Variants in SEMA6D observed in about 807,000 individuals in gnomAD.
SEMA6D encodes semaphorin-6D.
A neutral mutation model predicts 106.6 loss-of-function variants in SEMA6D; 35 were observed. The observed-to-expected ratio is 0.33, with a 90% confidence interval of 0.25 to 0.44. The LOEUF (loss-of-function observed/expected upper bound fraction) is 0.44, where lower values mean the gene tolerates loss of function less well. SEMA6D is among the 20% of genes least tolerant of loss of function. The pLI is 1.00. For missense variants in SEMA6D, 1,185 were observed against 1,345.9 expected (o/e 0.88, Z 1.87); for synonymous variants, 499 against 487.7 (o/e 1.02, Z -0.31).
intron 1 of SEMA6D, among the ~76,000 whole-genome samples, chr15:47,400,605 A>G (rs1442689135): frequency 6.6e-6 from 1 of 152,210 alleles, no homozygotes; most frequent in African/African-American, 2.4e-5. Context: ...GACCTAATAC[A>G]AAGTGAGAGA....
chr15:47,516,833 C>T (rs1281613674), intron 3 of SEMA6D, among the ~76,000 whole-genome samples: 1 of 152,110 alleles, frequency 6.6e-6, no homozygotes, highest in African/African-American at 2.4e-5. Context: ...AGCCTGGTGT[C>T]CCCAGGGTGT....
intron 1 of SEMA6D, among the ~76,000 whole-genome samples, chr15:47,218,927 T>G (rs1339357828): frequency 6.6e-6 from 1 of 152,216 alleles, no homozygotes; most frequent in Non-Finnish European, 1.5e-5. Flanking sequence ...ATCCATATGA[T>G]GCCAAACCCA....
intron 1 of SEMA6D, among the ~76,000 whole-genome samples, chr15:47,319,315 C>T (rs963775938): frequency 6.6e-6 from 1 of 152,154 alleles, no homozygotes; most frequent in African/African-American, 2.4e-5. Context: ...CTTGTGTTTG[C>T]TCTGCCTCTT....
chr15:47,635,842 A>T (rs559384352), intron 4 of SEMA6D, among the ~76,000 whole-genome samples: 212 of 152,164 alleles, frequency 1.4e-3, no homozygotes, highest in African/African-American at 4.8e-3. Flanking sequence ...CACATGACAA[A>T]TGTCATGCAT....
chr15:47,618,081 C>A (rs1369115710), intron 4 of SEMA6D, among the ~76,000 whole-genome samples: 1 of 152,150 alleles, frequency 6.6e-6, no homozygotes, highest in Non-Finnish European at 1.5e-5. Flanking sequence ...AATTTTGGCC[C>A]CAGTGTAGCC....
intron 1 of SEMA6D, among the ~76,000 whole-genome samples, chr15:47,382,035 C>T (rs1416480933): frequency 6.6e-6 from 1 of 152,072 alleles, no homozygotes; most frequent in Non-Finnish European, 1.5e-5. Flanking sequence ...TGCTTTTCTT[C>T]TTGGCAAGGA....
chr15:47,216,058 C>T (rs1289570666), intron 1 of SEMA6D, among the ~76,000 whole-genome samples: 2 of 152,026 alleles, frequency 1.3e-5, no homozygotes, highest in Admixed American at 1.3e-4. Flanking sequence ...TAAATTAGTC[C>T]TGATATGTAA....
At chr15:47,601,959 C>T (rs559189364) in intron 4 of SEMA6D, among the ~76,000 whole-genome samples, 11 of 152,128 alleles carry the variant, frequency 7.2e-5, no homozygotes, top group Non-Finnish European at 1.3e-4. Flanking sequence ...TAGATGCAGT[C>T]GCTGTTTGTA....
At chr15:47,408,866 A>G (rs2040687634) in intron 1 of SEMA6D, among the ~76,000 whole-genome samples, 1 of 152,230 alleles carries the variant, frequency 6.6e-6, no homozygotes, top group Non-Finnish European at 1.5e-5. Context: ...TTCTCCCTCC[A>G]TTCCAAAGCA....
intron 1 of SEMA6D, among the ~76,000 whole-genome samples, chr15:47,291,804 T>C (rs1452333098): frequency 6.6e-6 from 1 of 152,220 alleles, no homozygotes; most frequent in African/African-American, 2.4e-5. Flanking sequence ...ATAGACCTTT[T>C]GTTGTGTTTG....
At chr15:47,364,168 T>C (rs1050330140) in intron 1 of SEMA6D, among the ~76,000 whole-genome samples, 3 of 152,192 alleles carry the variant, frequency 2.0e-5, no homozygotes, top group African/African-American at 7.2e-5. Context: ...AGACAGTGCA[T>C]GTTCATCGTA....
chr15:47,367,481 G>A (rs1411009904), intron 1 of SEMA6D, among the ~76,000 whole-genome samples: 1 of 152,070 alleles, frequency 6.6e-6, no homozygotes, highest in Non-Finnish European at 1.5e-5. Flanking sequence ...AAGTTCTACT[G>A]CCTTCTTGTA....
intron 3 of SEMA6D, among the ~76,000 whole-genome samples, chr15:47,527,297 G>A (rs2044794249): frequency 6.6e-6 from 1 of 152,104 alleles, no homozygotes; most frequent in African/African-American, 2.4e-5. Context: ...AAAAATCAAT[G>A]TTTAACTTAT....
chr15:47,228,196 T>C (rs1294416942), intron 1 of SEMA6D, among the ~76,000 whole-genome samples: 1 of 150,026 alleles, frequency 6.7e-6, no homozygotes, highest in Non-Finnish European at 1.5e-5. Context: ...CTTTAACTTA[T>C]TGATGGATAT....
intron 1 of SEMA6D, among the ~76,000 whole-genome samples, chr15:47,719,131 G>A (rs2079266294): frequency 6.6e-6 from 1 of 151,706 alleles, no homozygotes; most frequent in Non-Finnish European, 1.5e-5. Flanking sequence ...CTTGTTAAAA[G>A]GCGAAATGTC....
intron 1 of SEMA6D, among the ~76,000 whole-genome samples, chr15:47,749,589 A>C (rs1007895685): frequency 1.3e-5 from 2 of 152,208 alleles, no homozygotes; most frequent in African/African-American, 4.8e-5. Context: ...CCAAGCTCTA[A>C]ACCTATGCTC....
intron 1 of SEMA6D, among the ~76,000 whole-genome samples, chr15:47,356,356 GT>G (rs904511699): frequency 9.2e-5 from 14 of 152,198 alleles, no homozygotes; most frequent in African/African-American, 3.4e-4. Flanking sequence ...TAGAGACTAT[GT>G]GAAATATTCC....
chr15:47,610,056 G>A (rs1473225977), intron 4 of SEMA6D, among the ~76,000 whole-genome samples: 1 of 152,194 alleles, frequency 6.6e-6, no homozygotes, highest in Admixed American at 6.5e-5. Flanking sequence ...AATAGAGTGA[G>A]GAGAATTGAT....
At chr15:47,640,435 T>A (rs1157295360) in intron 4 of SEMA6D, among the ~76,000 whole-genome samples, 14 of 152,202 alleles carry the variant, frequency 9.2e-5, no homozygotes, top group Non-Finnish European at 2.9e-5. Context: ...CCTGCTTATC[T>A]TCACCTTAGA....
Sources: gnomAD v4.1 joint callset for allele counts (sites outside exome capture counted in the v4.1 genomes callset) on GRCh38, gnomAD v4.1.1 for gene constraint, MANE v1.5 for transcripts, NCBI Gene and HGNC (gene_info 2026-07-23, HGNC 2026-07-21) for gene names.